Variants in OR2V2 observed in about 807,000 individuals in gnomAD.
The protein encoded by OR2V2 is olfactory receptor family 2 subfamily V member 2.
For missense variants in OR2V2, 392 were observed against 392.2 expected (o/e 1.00, Z 0.00); for synonymous variants, 161 against 151.3 (o/e 1.06, Z -0.47).
intron 1 of OR2V2, among the ~76,000 whole-genome samples, chr5:181,149,028 C>T (rs748450691): frequency 3.3e-5 from 5 of 152,158 alleles, no homozygotes; most frequent in Non-Finnish European, 5.9e-5. Context: ...GGATGGCCTG[C>T]GGATGAGGTC....
At position 181,155,496 on chromosome 5, in the gene OR2V2, T is replaced by C; in HGVS notation, c.554T>C (p.Leu185Ser). 6.2e-7 allele frequency: 1 copy of C among 1,614,192 alleles called. No individual in the cohort carries two copies. The highest frequency in any genetic ancestry group is 8.5e-7 in the Non-Finnish European group (1 of 1,180,024). The change falls in exon 2 of 2, where the codon TTG becomes TCG. Residue 185 changes from leucine (L) to serine (S), a missense_variant. Physicochemically the swap from Leu to Ser is moderately radical, Grantham distance 145. Transcript: ENST00000641492. ...CATTTCTTCTGTGAGATGCTATCCTTGTTGAAGCTGGCCTGTGTAGACACA... is the reference window on the plus strand; with the variant it reads ...CATTTCTTCTGTGAGATGCTATCCTCGTTGAAGCTGGCCTGTGTAGACACA... ...VNHFFCEMLSLLKLACVDTSL... is the reference protein window; with the variant it reads ...VNHFFCEMLSSLKLACVDTSL...
intron 1 of OR2V2, among the ~76,000 whole-genome samples, chr5:181,154,544 C>G (rs549383253): frequency 2.3e-4 from 34 of 150,666 alleles, no homozygotes; most frequent in South Asian, 1.3e-3. Flanking sequence ...GAGCAGAGAT[C>G]TCGCCACTGC....
At position 181,155,502 on chromosome 5, in the gene OR2V2, A is replaced by G; in HGVS notation, c.560A>G (p.Lys187Arg). 2 of 1,614,164 alleles carry G rather than the reference A, an allele frequency of 1.2e-6. No homozygotes were observed. Among genetic ancestry groups the G allele is most frequent in the East Asian group, 4.5e-5 (2 of 44,880 alleles). ...HFFCEMLSLL[K>R]LACVDTSLFE... ...TTCTGTGAGATGCTATCCTTGTTGA[A>G]GCTGGCCTGTGTAGACACATCCCTG... Residue 187 changes from lysine (K) to arginine (R), a missense_variant, in exon 2 of 2, where the codon AAG becomes AGG. Lys to Arg is a conservative substitution (Grantham distance 26). Transcript: ENST00000641492.
rs757263867 is a variant in OR2V2, at chr5:181,155,485, G to T, written c.543G>T (p.Glu181Asp). The change falls in exon 2 of 2, where the codon GAG (glutamate) becomes GAT (aspartate). Residue 181 changes from glutamate (E) to aspartate (D), a missense_variant. By Grantham distance (45) the Glu-to-Asp change is conservative. Transcript: ENST00000641492. The part of the protein sequence containing the change: ...GLRKVNHFFC[E>D]MLSLLKLACV... ...GGAAGGTGAACCATTTCTTCTGTGAGATGCTATCCTTGTTGAAGCTGGCCT... is the reference window on the plus strand; with the variant it reads ...GGAAGGTGAACCATTTCTTCTGTGATATGCTATCCTTGTTGAAGCTGGCCT... The T allele has an allele frequency of 6.2e-7, 1 of 1,614,204 alleles. No individual in the cohort carries two copies. The highest frequency in any genetic ancestry group is 8.5e-7 in the Non-Finnish European group (1 of 1,180,036).
At position 181,155,702 on chromosome 5, in the gene OR2V2, G is replaced by A. The variant is rs1316811843; in HGVS notation, c.760G>A (p.Gly254Arg). The A allele has an allele frequency of 6.2e-7, 1 of 1,614,176 alleles. No individual in the cohort carries two copies. Among genetic ancestry groups the A allele is most frequent in the Non-Finnish European group, 8.5e-7 (1 of 1,180,038 alleles). The change falls in exon 2 of 2, where the codon GGG (glycine) becomes AGG (arginine). Residue 254 changes from glycine (G) to arginine (R), a missense_variant. Gly to Arg is a moderately radical substitution (Grantham distance 125, BLOSUM62 -2). Transcript: ENST00000641492. ...SHLTAVTLFYGAAMFIYLRPR... is the reference protein window; with the variant it reads ...SHLTAVTLFYRAAMFIYLRPR... ...CCTGACAGCTGTCACCCTCTTCTAT[G>A]GGGCAGCCATGTTCATCTACCTGAG... is the stretch of plus-strand genomic sequence containing the variant.
rs1763296690 is a variant in OR2V2, at chr5:181,158,602, G to A, written c.*2712G>A. 1 of 152,164 alleles carries A rather than the reference G, an allele frequency of 6.6e-6. No individual in the cohort carries two copies. The highest frequency in any genetic ancestry group is 1.5e-5 in the Non-Finnish European group (1 of 68,042). The allele number at this position is 152,164 out of a possible 1,614,324, so 9.4% of individuals were successfully genotyped here. A position where few individuals can be genotyped will look rare whatever the true frequency, so the allele number is the denominator to read the frequency against. ...TGATCATGCCACTGCACTCCAGCCT[G>A]GGCCACAGAGCAGAAGCCTGTCTCG... On this transcript the variant is annotated 3_prime_UTR_variant, in exon 2 of 2. Transcript: ENST00000641492.
At chr5:181,148,111 C>A (rs1763147421) in intron 1 of OR2V2, 116 bp downstream of exon 1, 1 of 395,610 alleles carries the variant, frequency 2.5e-6, no homozygotes, top group Admixed American at 4.4e-5. Flanking sequence ...CTCCTACTGT[C>A]TGCCTCCATC....
Position 181,155,944 on chromosome 5 carries a change from G to A in OR2V2, c.*54G>A. The A allele has an allele frequency of 6.7e-7, 1 of 1,483,334 alleles. No individual in the cohort carries two copies. The highest frequency in any genetic ancestry group is 9.1e-7 in the Non-Finnish European group (1 of 1,093,030). The allele number at this position is 1,483,334 out of a possible 1,614,324, so 91.9% of individuals were successfully genotyped here. A position where few individuals can be genotyped will look rare whatever the true frequency, so the allele number is the denominator to read the frequency against. ...CATCTCTTAGCTCCAGGGATGTCGGGTTAATAATTCTCTCATTTTCAGTCT... is the reference window on the plus strand; with the variant it reads ...CATCTCTTAGCTCCAGGGATGTCGGATTAATAATTCTCTCATTTTCAGTCT... On this transcript the variant is annotated 3_prime_UTR_variant, in exon 2 of 2. Transcript: ENST00000641492.
At position 181,157,999 on chromosome 5, in the gene OR2V2, CCTT is replaced by C. The variant is rs1763286838; in HGVS notation, c.*2110_*2112del. 1 of 152,196 alleles carries C rather than the reference CCTT, an allele frequency of 6.6e-6. No homozygotes were observed. The highest frequency in any genetic ancestry group is 1.5e-5 in the Non-Finnish European group (1 of 68,044). 9.4% of individuals were successfully genotyped at this position (152,196 alleles called of 1,614,324 possible). A position where few individuals can be genotyped will look rare whatever the true frequency, so the allele number is the denominator to read the frequency against. The stretch of plus-strand genomic sequence containing the variant: ...CAAGCAAAAGTTTCACCAGCCTTTA[CCTT>C]ATCTAGTCCCATGATGGGGAAATTC... On this transcript the variant is annotated 3_prime_UTR_variant, in exon 2 of 2. Coordinates refer to ENST00000641492, the MANE Select transcript of OR2V2 (RefSeq NM_206880.2).
rs149892080 is a variant in OR2V2, at chr5:181,155,865, G to T, written c.923G>T (p.Arg308Leu). ...GGGGCACTGAGGAAGGGGCTGGACC[G>T]CTGCAGGATCGGCAGCCAGCACTGA... is the stretch of plus-strand genomic sequence containing the variant. The part of the protein sequence containing the change: ...VMGALRKGLD[R>L]CRIGSQH Residue 308 changes from arginine (R) to leucine (L), a missense_variant, in exon 2 of 2, where the codon CGC (arginine) becomes CTC (leucine). Physicochemically the swap from Arg to Leu is moderately radical, Grantham distance 102 (BLOSUM62 -2). Transcript: ENST00000641492. The T allele has an allele frequency of 5.6e-6, 9 of 1,613,372 alleles. No homozygotes were observed. Among genetic ancestry groups the T allele is most frequent in the South Asian group, 5.5e-5 (5 of 91,062 alleles).
intron 1 of OR2V2, among the ~76,000 whole-genome samples, chr5:181,152,235 T>G (rs1252987918): frequency 6.6e-6 from 1 of 152,182 alleles, no homozygotes; most frequent in Admixed American, 6.5e-5. Context: ...ACAGCCCATG[T>G]TTAGTAAACG....
At chr5:181,151,056 G>A (rs915974880) in intron 1 of OR2V2, among the ~76,000 whole-genome samples, 4 of 152,186 alleles carry the variant, frequency 2.6e-5, no homozygotes, top group African/African-American at 9.6e-5. Context: ...AGCAGGGAAG[G>A]AGGGCAGCCT....
intron 1 of OR2V2, among the ~76,000 whole-genome samples, chr5:181,149,640 A>G (rs1763168867): frequency 6.6e-6 from 1 of 152,178 alleles, no homozygotes; most frequent in Non-Finnish European, 1.5e-5. Flanking sequence ...GGTATACCAC[A>G]ATTATCTTCC....
chr5:181,152,298 T>TTA (rs913137735), intron 1 of OR2V2, among the ~76,000 whole-genome samples: 3 of 152,210 alleles, frequency 2.0e-5, no homozygotes, highest in African/African-American at 7.2e-5. Flanking sequence ...AAACTTAACT[T>TTA]TAGATCAGGC....
chr5:181,156,284 G>T lies in OR2V2; in HGVS notation c.*394G>T. 1 of 176,432 alleles carries T rather than the reference G, an allele frequency of 5.7e-6. No homozygotes were observed. The allele number at this position is 176,432 out of a possible 1,614,324, so 10.9% of individuals were successfully genotyped here. ...CACACCTGACTAATTTTTTAGTAAG[G>T]GATCCACTATTGTTGTAGAGACAAT... On this transcript the variant is annotated 3_prime_UTR_variant, in exon 2 of 2. Coordinates refer to ENST00000641492, the MANE Select transcript of OR2V2 (RefSeq NM_206880.2).
At chr5:181,149,733 G>T (rs1002317367) in intron 1 of OR2V2, among the ~76,000 whole-genome samples, 4 of 152,204 alleles carry the variant, frequency 2.6e-5, no homozygotes. Flanking sequence ...GCTGGGTCTT[G>T]GGCCCATGGC....
intron 1 of OR2V2, among the ~76,000 whole-genome samples, chr5:181,152,367 T>C (rs887990305): frequency 6.6e-6 from 1 of 152,316 alleles, no homozygotes; most frequent in African/African-American, 2.4e-5. Context: ...AATTTCTCAG[T>C]TAGGAGCTTC....
Position 181,155,415 on chromosome 5 carries a change from T to C in OR2V2, c.473T>C (p.Leu158Ser), listed in dbSNP as rs1763250535. The C allele has an allele frequency of 1.9e-6, 3 of 1,614,114 alleles. No homozygotes were observed. Among genetic ancestry groups the C allele is most frequent in the Non-Finnish European group, 1.7e-6 (2 of 1,180,056 alleles). Reference protein sequence around the residue: ...SSWAFGIIDGLIQMVVVMNFP... With the variant: ...SSWAFGIIDGSIQMVVVMNFP... ...TGGGCCTTTGGGATAATCGATGGCT[T>C]GATCCAGATGGTGGTAGTAATGAAT... is the stretch of plus-strand genomic sequence containing the variant. Residue 158 changes from leucine (L) to serine (S), a missense_variant, in exon 2 of 2, where the codon TTG becomes TCG. Coordinates refer to ENST00000641492, the MANE Select transcript of OR2V2 (RefSeq NM_206880.2).
At chr5:181,154,861 C>A (rs1250546591) in intron 1 of OR2V2, 58 bp from the exon 2 acceptor site, 18 of 939,446 alleles carry the variant, frequency 1.9e-5, no homozygotes, top group Non-Finnish European at 2.4e-5. Context: ...GAAGACATAG[C>A]AGCAGAGGTC....
Sources: gnomAD v4.1 joint callset for allele counts (sites outside exome capture counted in the v4.1 genomes callset) on GRCh38, gnomAD v4.1.1 for gene constraint, MANE v1.5 for transcripts, NCBI Gene and HGNC (gene_info 2026-07-23, HGNC 2026-07-21) for gene names.